The following SLC35F3 variants were observed in gnomAD, a reference collection of about 807,000 sequenced individuals.
The protein encoded by SLC35F3 is solute carrier family 35 member F3, also known as putative thiamine transporter SLC35F3.
SLC35F3 carries 25 observed loss-of-function variants against 49.9 expected under a neutral mutation model. The ratio of observed to expected loss-of-function variants is 0.50; its 90% confidence interval spans 0.37 to 0.70. The LOEUF (loss-of-function observed/expected upper bound fraction) is 0.70, where lower values mean the gene tolerates loss of function less well. SLC35F3 is among the 30% of genes least tolerant of loss of function. The pLI, the probability that SLC35F3 is intolerant of heterozygous loss-of-function variation, is 0.00. For missense variants in SLC35F3, 525 were observed against 639.8 expected (o/e 0.82, Z 1.94); for synonymous variants, 275 against 265.4 (o/e 1.04, Z -0.35).
intron 2 of SLC35F3, among the ~76,000 whole-genome samples, chr1:234,116,663 C>T (rs957280982): frequency 1.3e-5 from 2 of 152,062 alleles, no homozygotes; most frequent in Non-Finnish European, 2.9e-5. Context: ...AGACACATGC[C>T]ACCATGCCTG....
At chr1:234,093,880 G>A (rs770903342) in intron 2 of SLC35F3, among the ~76,000 whole-genome samples, 1 of 152,240 alleles carries the variant, frequency 6.6e-6, no homozygotes, top group African/African-American at 2.4e-5. Context: ...GGATGGGCAA[G>A]AAAAACTGGA....
chr1:233,920,703 T>G (rs754082214), intron 2 of SLC35F3, among the ~76,000 whole-genome samples: 1 of 152,234 alleles, frequency 6.6e-6, no homozygotes, highest in Non-Finnish European at 1.5e-5. Flanking sequence ...TACATGAGAT[T>G]CCGTCTTGCT....
chr1:234,153,123 C>G (rs1317755536), intron 2 of SLC35F3, among the ~76,000 whole-genome samples: 1 of 152,202 alleles, frequency 6.6e-6, no homozygotes, highest in African/African-American at 2.4e-5. Context: ...GACATCCACT[C>G]TTATCAACAT....
intron 2 of SLC35F3, among the ~76,000 whole-genome samples, chr1:234,225,137 A>G (rs1411915280): frequency 6.6e-6 from 1 of 152,224 alleles, no homozygotes; most frequent in East Asian, 1.9e-4. Flanking sequence ...CGTTTGGGGC[A>G]TGTAGTTGGC....
chr1:234,002,870 T>C (rs1663574267), intron 2 of SLC35F3, among the ~76,000 whole-genome samples: 1 of 152,208 alleles, frequency 6.6e-6, no homozygotes, highest in Admixed American at 6.5e-5. Flanking sequence ...TGGATATTTA[T>C]TTTATCCTTT....
intron 2 of SLC35F3, among the ~76,000 whole-genome samples, chr1:234,217,032 G>A (rs766509661): frequency 2.0e-5 from 3 of 152,148 alleles, no homozygotes; most frequent in Non-Finnish European, 2.9e-5. Context: ...TGCATCTTAT[G>A]TGCTGGTTTT....
At chr1:234,221,131 AAG>A (rs1667198539) in intron 2 of SLC35F3, among the ~76,000 whole-genome samples, 1 of 152,132 alleles carries the variant, frequency 6.6e-6, no homozygotes, top group Non-Finnish European at 1.5e-5. Context: ...AGATGCAACC[AAG>A]AGAGGGTGAT....
intron 2 of SLC35F3, among the ~76,000 whole-genome samples, chr1:234,164,910 G>A (rs1387513097): frequency 4.6e-5 from 7 of 152,086 alleles, no homozygotes; most frequent in Non-Finnish European, 2.9e-5. Flanking sequence ...TCTGTAAACA[G>A]ACAAGTGTTT....
At chr1:234,170,604 C>A (rs1393702583) in intron 2 of SLC35F3, among the ~76,000 whole-genome samples, 1 of 152,130 alleles carries the variant, frequency 6.6e-6, no homozygotes, top group African/African-American at 2.4e-5. Context: ...CTACCCCTCA[C>A]CACAGGCCTG....
At chr1:233,972,957 CCT>C (rs964992639) in intron 2 of SLC35F3, among the ~76,000 whole-genome samples, 14 of 152,226 alleles carry the variant, frequency 9.2e-5, no homozygotes, top group Admixed American at 9.2e-4. Context: ...TTGCCCTTCC[CCT>C]GTCATATTGG....
intron 2 of SLC35F3, among the ~76,000 whole-genome samples, chr1:234,181,869 CTGTT>C (rs1401850345): frequency 2.6e-5 from 4 of 152,064 alleles, no homozygotes; most frequent in East Asian, 1.9e-4. Flanking sequence ...GTCTGGTTAT[CTGTT>C]TATCAATAGC....
intron 2 of SLC35F3, among the ~76,000 whole-genome samples, chr1:233,924,767 T>C (rs1319225713): frequency 1.3e-5 from 2 of 152,234 alleles, no homozygotes; most frequent in Non-Finnish European, 2.9e-5. Flanking sequence ...CTTATGGCCA[T>C]TTAGTGCTAT....
intron 2 of SLC35F3, among the ~76,000 whole-genome samples, chr1:234,133,251 A>G (rs1158162454): frequency 1.3e-5 from 2 of 152,228 alleles, no homozygotes; most frequent in Non-Finnish European, 2.9e-5. Flanking sequence ...TTTTCCCCAA[A>G]GAATAATTAT....
At chr1:234,118,838 C>G (rs1366715266) in intron 2 of SLC35F3, among the ~76,000 whole-genome samples, 1 of 151,956 alleles carries the variant, frequency 6.6e-6, no homozygotes, top group East Asian at 1.9e-4. Context: ...TCATTTGCTT[C>G]TCCTTTAGTG....
chr1:234,131,857 C>T (rs562477639), intron 2 of SLC35F3, among the ~76,000 whole-genome samples: 2 of 152,224 alleles, frequency 1.3e-5, no homozygotes, highest in Non-Finnish European at 2.9e-5. Context: ...GATCACTTAC[C>T]ACTTTTTTTA....
chr1:233,963,462 A>C (rs1398482883), intron 2 of SLC35F3, among the ~76,000 whole-genome samples: 1 of 151,840 alleles, frequency 6.6e-6, no homozygotes, highest in Non-Finnish European at 1.5e-5. Flanking sequence ...CACCACGCCC[A>C]GCTAATTTTT....
chr1:233,946,420 A>C (rs1243127217), intron 2 of SLC35F3, among the ~76,000 whole-genome samples: 2 of 152,256 alleles, frequency 1.3e-5, no homozygotes, highest in Non-Finnish European at 2.9e-5. Flanking sequence ...AAAAATTAAG[A>C]AAAGATATCG....
chr1:234,016,962 CCAAA>C (rs1663810114), intron 2 of SLC35F3, among the ~76,000 whole-genome samples: 1 of 152,118 alleles, frequency 6.6e-6, no homozygotes, highest in South Asian at 2.1e-4. Context: ...AATTCTTGTC[CCAAA>C]CAGTTACTGG....
chr1:234,152,770 A>G (rs1666094700), intron 2 of SLC35F3, among the ~76,000 whole-genome samples: 1 of 152,172 alleles, frequency 6.6e-6, no homozygotes, highest in African/African-American at 2.4e-5. Context: ...GTAAAATGGT[A>G]TTTCTGGTTC....
Sources: allele counts gnomAD v4.1 joint callset (sites outside exome capture counted in the v4.1 genomes callset), GRCh38; gene constraint gnomAD v4.1.1; transcripts MANE v1.5; gene names NCBI Gene and HGNC (gene_info 2026-07-23, HGNC 2026-07-21).